Variants in RNF8 observed in about 807,000 individuals in gnomAD.
The protein encoded by RNF8 is E3 ubiquitin-protein ligase RNF8.
RNF8 carries 8 observed loss-of-function variants against 59.3 expected under a neutral mutation model. The observed-to-expected ratio is 0.13, with a 90% CI of 0.08 to 0.24. RNF8 has a LOEUF of 0.24. RNF8 is among the 10% of genes least tolerant of loss of function. RNF8 has a pLI of 1.00. For synonymous variants in RNF8, 162 were observed against 200.0 expected (o/e 0.81, Z 1.60); for missense variants, 406 against 572.6 (o/e 0.71, Z 2.97).
At chr6:37,378,288 GA>G (rs1325735978) in intron 6 of RNF8, among the ~76,000 whole-genome samples, 1 of 151,034 alleles carries the variant, frequency 6.6e-6, no homozygotes, top group Non-Finnish European at 1.5e-5. Flanking sequence ...AGCAAGGCAT[GA>G]AAAAAAAGAA....
intron 1 of RNF8, among the ~76,000 whole-genome samples, chr6:37,358,655 C>T (rs576671706): frequency 6.6e-6 from 1 of 151,986 alleles, no homozygotes; most frequent in South Asian, 2.1e-4. Flanking sequence ...GTCAGTGAGT[C>T]GTGGTGGTCT....
chr6:37,364,166 G>T (rs1317428040), intron 2 of RNF8, among the ~76,000 whole-genome samples: 2 of 118,860 alleles, frequency 1.7e-5, no homozygotes, highest in Admixed American at 2.0e-4. Context: ...GGGACAGAGC[G>T]AGACTCTGTC....
At chr6:37,380,850 T>C (rs889088103) in intron 6 of RNF8, among the ~76,000 whole-genome samples, 2 of 151,878 alleles carry the variant, frequency 1.3e-5, no homozygotes, top group East Asian at 3.9e-4. Context: ...GACTGGCTAA[T>C]ATTCGTATTT....
chr6:37,376,050 C>T (rs1216433905), intron 5 of RNF8, among the ~76,000 whole-genome samples: 2 of 152,162 alleles, frequency 1.3e-5, no homozygotes, highest in African/African-American at 2.4e-5. Flanking sequence ...CAGCCTTCTG[C>T]CTCCAGAGGT....
intron 2 of RNF8, 98 bp from the exon 3 acceptor site, chr6:37,368,386 T>G (rs767342313): frequency 2.9e-5 from 46 of 1,610,854 alleles, no homozygotes; most frequent in Non-Finnish European, 3.6e-5. Flanking sequence ...AGAGTTTTCC[T>G]TCTGAAAAGG....
In RNF8 at chr6:37,360,270, C is replaced by T. The variant is rs1231791253; in HGVS notation, c.112-176C>T. On this transcript the variant is annotated intron_variant, in intron 1 of 7. Transcript: ENST00000373479. This position sits in a 1 kb window ranked among gnomAD's most constrained non-coding sequence, Gnocchi z 4.2. ...TGTCACAACCGTTTGCCTTTTTCTA[C>T]TTGGTGGTTCTCAAGACAGCTGAAG... 6.6e-6 allele frequency among the ~76,000 whole-genome samples: 1 copy of T among 152,060 alleles called. No individual in the cohort carries two copies. Among genetic ancestry groups the T allele is most frequent in the African/African-American group, 2.4e-5 (1 of 41,404 alleles).
At position 37,391,871 on chromosome 6, in the gene RNF8, C is replaced by G. The variant is rs1770735180; in HGVS notation, c.*1113C>G. 1 of 152,430 alleles carries G rather than the reference C, an allele frequency of 6.6e-6. No individual in the cohort carries two copies. The highest frequency in any genetic ancestry group is 2.1e-4 in the South Asian group (1 of 4,834). The allele number at this position is 152,430 out of a possible 1,614,324, so 9.4% of individuals were successfully genotyped here. A position where few individuals can be genotyped will look rare whatever the true frequency, so the allele number is the denominator to read the frequency against. On this transcript the variant is annotated 3_prime_UTR_variant, in exon 8 of 8. Transcript: ENST00000373479. ...TTCACCATGTTGGCCAGGCTGGTCT[C>G]AAATTCCTGACCTTAAGTGATCCAC... is the stretch of plus-strand genomic sequence containing the variant.
At chr6:37,373,074 T>C (rs1769876368) in intron 4 of RNF8, among the ~76,000 whole-genome samples, 1 of 152,244 alleles carries the variant, frequency 6.6e-6, no homozygotes, top group Non-Finnish European at 1.5e-5. Flanking sequence ...TTTTGAAAGC[T>C]GTTCTTTACC....
chr6:37,355,894 T>A (rs1313883517), intron 1 of RNF8, among the ~76,000 whole-genome samples: 1 of 152,144 alleles, frequency 6.6e-6, no homozygotes, highest in African/African-American at 2.4e-5. Context: ...AAAAATAAAT[T>A]ATTTTTGTGC....
chr6:37,368,496 G>A lies in RNF8; in HGVS notation c.253G>A (p.Val85Ile), dbSNP rs770297116. The A allele has an allele frequency of 6.2e-7, 1 of 1,614,130 alleles. No individual in the cohort carries two copies. Among genetic ancestry groups the A allele is most frequent in the Non-Finnish European group, 8.5e-7 (1 of 1,180,012 alleles). ...TCACTTTCCCCAGAGTCTAAATGGT[G>A]TTTGGCTGAACAGAGCGCGTCTGGA... ...TIMDNKSLNGVWLNRARLEPL... is the reference protein window; with the variant it reads ...TIMDNKSLNGIWLNRARLEPL... The change falls in exon 3 of 8, where the codon GTT (valine) becomes ATT (isoleucine). Residue 85 changes from valine (V) to isoleucine (I), a missense_variant. Val to Ile is a conservative substitution (Grantham distance 29). Coordinates refer to ENST00000373479, the MANE Select transcript of RNF8 (RefSeq NM_003958.4).
At chr6:37,355,288 G>A (rs1769070386) in intron 1 of RNF8, among the ~76,000 whole-genome samples, 1 of 152,174 alleles carries the variant, frequency 6.6e-6, no homozygotes, top group Non-Finnish European at 1.5e-5. Flanking sequence ...AGTTCTCTTT[G>A]CAGTAAAAGT....
intron 7 of RNF8, among the ~76,000 whole-genome samples, chr6:37,382,227 G>A (rs1247176695): frequency 2.6e-5 from 4 of 152,210 alleles, no homozygotes; most frequent in Non-Finnish European, 4.4e-5. Flanking sequence ...TTATCAGGGT[G>A]CTATGAAACT....
At position 37,381,142 on chromosome 6, in the gene RNF8, T is replaced by C; in HGVS notation, c.1237-8T>C. 3 of 1,611,678 alleles carry C rather than the reference T, an allele frequency of 1.9e-6. No homozygotes were observed. The highest frequency in any genetic ancestry group is 2.5e-6 in the Non-Finnish European group (3 of 1,177,720). On this transcript the variant is annotated splice_polypyrimidine_tract_variant and splice_region_variant and intron_variant, in intron 6 of 7. Coordinates refer to ENST00000373479, the MANE Select transcript of RNF8 (RefSeq NM_003958.4). ...GTTCTGATATGTGTGTCCACATTCC[T>C]ACTGTAGGCTGTCACCTTGAACTGT...
At chr6:37,375,072 C>T (rs1769954171) in intron 5 of RNF8, among the ~76,000 whole-genome samples, 1 of 152,184 alleles carries the variant, frequency 6.6e-6, no homozygotes, top group Non-Finnish European at 1.5e-5. Context: ...AAGTGAATTA[C>T]TTAATGCAGT....
At chr6:37,367,568 T>C (rs1301525624) in intron 2 of RNF8, among the ~76,000 whole-genome samples, 1 of 152,148 alleles carries the variant, frequency 6.6e-6, no homozygotes, top group Non-Finnish European at 1.5e-5. Context: ...CACACCTGGC[T>C]AATTTTTGTA....
intron 5 of RNF8, among the ~76,000 whole-genome samples, chr6:37,375,081 GT>G (rs1203274962): frequency 3.9e-5 from 6 of 152,188 alleles, no homozygotes; most frequent in Non-Finnish European, 8.8e-5. Context: ...ACTTAATGCA[GT>G]TTCTTCCCAT....
intron 2 of RNF8, among the ~76,000 whole-genome samples, chr6:37,363,731 C>T (rs75403726): frequency 1.3e-5 from 2 of 152,134 alleles, no homozygotes; most frequent in African/African-American, 4.8e-5. Context: ...ACATATAGCT[C>T]TTGACACAGT....
chr6:37,373,991 A>G (rs1769912012), intron 4 of RNF8, among the ~76,000 whole-genome samples: 1 of 152,244 alleles, frequency 6.6e-6, no homozygotes, highest in South Asian at 2.1e-4. Context: ...CATTCAGCAT[A>G]GGCATTTAGT....
At chr6:37,390,424 G>T (rs569925207) in intron 7 of RNF8, among the ~76,000 whole-genome samples, 5 of 152,102 alleles carry the variant, frequency 3.3e-5, no homozygotes, top group African/African-American at 1.2e-4. Context: ...GGAGCATGCT[G>T]GTATGTGGGA....
Sources: allele counts gnomAD v4.1 joint callset (sites outside exome capture counted in the v4.1 genomes callset), GRCh38; gene constraint gnomAD v4.1.1; non-coding constraint Gnocchi (gnomAD v3.1); transcripts MANE v1.5; gene names NCBI Gene and HGNC (gene_info 2026-07-23, HGNC 2026-07-21).